Variants in CTNND2 observed in about 807,000 individuals in gnomAD.
The protein encoded by CTNND2 is catenin delta 2.
In CTNND2, 22 loss-of-function variants were observed where a neutral mutation model predicts 144.4. That is an observed-to-expected ratio of 0.15 (90% CI 0.11 to 0.22). The LOEUF (loss-of-function observed/expected upper bound fraction) is 0.22. Among genes scored for constraint, CTNND2 ranks in the 10% least tolerant of loss-of-function variants. CTNND2 has a pLI of 1.00. For missense variants in CTNND2, 1,353 were observed against 1,618.8 expected (o/e 0.84, Z 2.82); for synonymous variants, 751 against 695.6 (o/e 1.08, Z -1.25).
chr5:11,604,896 G>A (rs1779972974), intron 2 of CTNND2, among the ~76,000 whole-genome samples: 1 of 152,174 alleles, frequency 6.6e-6, no homozygotes, highest in South Asian at 2.1e-4. Context: ...AGTTACATTT[G>A]TGCAATTTAT....
chr5:11,588,146 A>G (rs957919078), intron 2 of CTNND2, among the ~76,000 whole-genome samples: 12 of 152,252 alleles, frequency 7.9e-5, no homozygotes, highest in African/African-American at 2.9e-4. Flanking sequence ...TATCACTGAG[A>G]ACCAAATAAT....
chr5:11,900,685 A>G (rs530687728), intron 1 of CTNND2, among the ~76,000 whole-genome samples: 3 of 152,356 alleles, frequency 2.0e-5, no homozygotes, highest in African/African-American at 7.2e-5. Flanking sequence ...ACAGGAGAAC[A>G]CCTTCAGAAG....
chr5:11,433,119 G>A (rs779155877), intron 3 of CTNND2, among the ~76,000 whole-genome samples: 4 of 152,146 alleles, frequency 2.6e-5, no homozygotes, highest in Non-Finnish European at 5.9e-5. Flanking sequence ...GGTGGCAGAA[G>A]CCTGTAGTCC....
chr5:11,395,914 G>C (rs1760074716), intron 6 of CTNND2, among the ~76,000 whole-genome samples: 1 of 152,142 alleles, frequency 6.6e-6, no homozygotes. Context: ...TTCATTTTTT[G>C]GGGCCATGTG....
rs150937222 is a variant in CTNND2 at position 11,015,439 on chromosome 5, G to C, written c.3084+2535C>G. 7.9e-5 allele frequency among the ~76,000 whole-genome samples: 12 copies of C among 152,264 alleles called. No individual in the cohort carries two copies. In the South Asian group the frequency reaches 8.3e-4, roughly 11 times the overall value. ...GAAAACATCACCATTCATTTGTCCA[G>C]TCCATCCTTCTTGAATCTCTTCAAA... On this transcript the variant is annotated intron_variant, in intron 18 of 21. Transcript: ENST00000304623.
chr5:11,138,864 T>A (rs575282431), intron 12 of CTNND2, among the ~76,000 whole-genome samples: 1 of 152,220 alleles, frequency 6.6e-6, no homozygotes, highest in Non-Finnish European at 1.5e-5. Flanking sequence ...TGATTAGTCA[T>A]GAGGAGGTTC....
At chr5:11,437,939 C>T (rs539675071) in intron 3 of CTNND2, among the ~76,000 whole-genome samples, 3 of 152,318 alleles carry the variant, frequency 2.0e-5, no homozygotes, top group Admixed American at 2.0e-4. Flanking sequence ...AGTACGAGGT[C>T]TGGCGGAGGG....
chr5:11,341,440 C>T (rs925113238), intron 9 of CTNND2, among the ~76,000 whole-genome samples: 6 of 152,156 alleles, frequency 3.9e-5, no homozygotes, highest in South Asian at 2.1e-4. Context: ...AAACGACCTC[C>T]GGCACTCTTC....
At chr5:11,349,538 G>C (rs2149744969) in intron 8 of CTNND2, among the ~76,000 whole-genome samples, 1 of 152,278 alleles carries the variant, frequency 6.6e-6, no homozygotes, top group Non-Finnish European at 1.5e-5. Context: ...ATGGCTACCA[G>C]GGCAGGTTTA....
At chr5:11,127,486 C>T (rs146151539) in intron 12 of CTNND2, among the ~76,000 whole-genome samples, 3 of 152,330 alleles carry the variant, frequency 2.0e-5, no homozygotes, top group Non-Finnish European at 4.4e-5. Context: ...AAGTCCCTTA[C>T]AAGAGGCATT....
intron 10 of CTNND2, among the ~76,000 whole-genome samples, chr5:11,212,827 G>A (rs1738777544): frequency 6.6e-6 from 1 of 152,172 alleles, no homozygotes; most frequent in South Asian, 2.1e-4. Context: ...GTAAGAGACA[G>A]GGAGCGTGGG....
chr5:11,498,237 AC>A (rs1431782791), intron 3 of CTNND2, among the ~76,000 whole-genome samples: 3 of 151,132 alleles, frequency 2.0e-5, no homozygotes, highest in Non-Finnish European at 4.4e-5. Flanking sequence ...ACTCTCCCCC[AC>A]CCCCTCAAAC....
At position 11,508,195 on chromosome 5, in the gene CTNND2, G is replaced by C. The variant is rs150890294; in HGVS notation, c.287+56749C>G. ...CTGTAAACAGCTGGTCTCTTCTCTGGCCAAAATAATTTTGCTTGTAAATAT... is the reference window on the plus strand; with the variant it reads ...CTGTAAACAGCTGGTCTCTTCTCTGCCCAAAATAATTTTGCTTGTAAATAT... On this transcript the variant is annotated intron_variant, in intron 3 of 21. Coordinates refer to ENST00000304623, the MANE Select transcript of CTNND2 (RefSeq NM_001332.4). 7.2e-5 allele frequency among the ~76,000 whole-genome samples: 11 copies of C among 152,198 alleles called. 1 individual carries two copies. In the East Asian group the frequency reaches 1.9e-3, roughly 27 times the overall value.
At chr5:11,523,011 T>C (rs1772891869) in intron 3 of CTNND2, among the ~76,000 whole-genome samples, 2 of 152,234 alleles carry the variant, frequency 1.3e-5, no homozygotes, top group Non-Finnish European at 1.5e-5. Flanking sequence ...TGGAGCTATT[T>C]GGCATGGTTG....
chr5:11,800,847 AT>A (rs1222754899), intron 1 of CTNND2, among the ~76,000 whole-genome samples: 1 of 152,190 alleles, frequency 6.6e-6, no homozygotes, highest in African/African-American at 2.4e-5. Context: ...TATAAGTCTT[AT>A]TTATAAATCA....
chr5:11,766,098 T>C (rs920396791), intron 1 of CTNND2, among the ~76,000 whole-genome samples: 1 of 152,184 alleles, frequency 6.6e-6, no homozygotes, highest in Non-Finnish European at 1.5e-5. Flanking sequence ...TTAGACATGA[T>C]TTTTATGTTT....
chr5:11,419,251 C>T (rs1285836261), intron 3 of CTNND2, among the ~76,000 whole-genome samples: 1 of 151,880 alleles, frequency 6.6e-6, no homozygotes, highest in East Asian at 1.9e-4. Flanking sequence ...GTTATTATGA[C>T]AAAATGTTAA....
chr5:11,498,761 T>A (rs1442286287), intron 3 of CTNND2, among the ~76,000 whole-genome samples: 1 of 152,214 alleles, frequency 6.6e-6, no homozygotes, highest in Non-Finnish European at 1.5e-5. Flanking sequence ...TTTTTTTCCT[T>A]TACTTAAAAC....
intron 7 of CTNND2, among the ~76,000 whole-genome samples, chr5:11,383,342 A>G (rs1448427342): frequency 2.0e-5 from 3 of 152,154 alleles, no homozygotes; most frequent in Admixed American, 2.0e-4. Context: ...TTATTTTACA[A>G]AAGCATTTAC....
Sources: allele counts gnomAD v4.1 joint callset (sites outside exome capture counted in the v4.1 genomes callset), GRCh38; gene constraint gnomAD v4.1.1; transcripts MANE v1.5; gene names NCBI Gene and HGNC (gene_info 2026-07-23, HGNC 2026-07-21).